MYO9A: variants seen among roughly 807,000 people sequenced by gnomAD.
MYO9A encodes the protein unconventional myosin-IXa.
A neutral mutation model predicts 293.3 loss-of-function variants in MYO9A; 103 were observed. That is an observed-to-expected ratio of 0.35 (90% CI 0.30 to 0.41). The LOEUF is 0.41. MYO9A is among the 10% of genes least tolerant of loss of function. The pLI is 1.00. For missense variants in MYO9A, 2,685 were observed against 3,033.0 expected, an observed-to-expected ratio of 0.89 and a Z score of 2.69; for synonymous variants, 1,001 against 1,035.7, an observed-to-expected ratio of 0.97 and a Z score of 0.64.
At chr15:71,919,841 CAAAAAAAAAAA>C (rs373980359) in intron 18 of MYO9A, among the ~76,000 whole-genome samples, 1 of 82,482 alleles carries the variant, frequency 1.2e-5, no homozygotes, top group African/African-American at 5.0e-5. Flanking sequence ...GACTCCATCT[CAAAAAAAAAAA>C]AAAAAAAAAA....
At chr15:71,902,817 C>A in intron 22 of MYO9A, 124 bp downstream of exon 22, 1 of 725,464 alleles carries the variant, frequency 1.4e-6, no homozygotes, top group South Asian at 2.5e-5. Flanking sequence ...AAAACCTGGG[C>A]CTAACCAATT....
At chr15:72,015,660 T>C (rs1300324979) in intron 6 of MYO9A, among the ~76,000 whole-genome samples, 1 of 151,818 alleles carries the variant, frequency 6.6e-6, no homozygotes, top group Non-Finnish European at 1.5e-5. Flanking sequence ...ACCGACCCTT[T>C]ACATTGAAGT....
chr15:72,053,191 G>A (rs1269018129), intron 1 of MYO9A, among the ~76,000 whole-genome samples: 1 of 152,140 alleles, frequency 6.6e-6, no homozygotes, highest in African/African-American at 2.4e-5. Flanking sequence ...CTTAAGGTCA[G>A]GAGATCGAGA....
chr15:71,829,601 T>C (rs1282496444), intron 40 of MYO9A, among the ~76,000 whole-genome samples: 1 of 151,888 alleles, frequency 6.6e-6, no homozygotes, highest in African/African-American at 2.4e-5. Context: ...TATGACCATC[T>C]AGTTGCTGTT....
chr15:71,836,277 A>ATATATATATATATATATATATATATAT (rs1567181551), intron 39 of MYO9A, among the ~76,000 whole-genome samples: 2 of 152,064 alleles, frequency 1.3e-5, no homozygotes, highest in African/African-American at 4.8e-5. Context: ...ATATATACAC[A>ATATATATATATATATATATATATATAT]CACATTATAC....
intron 2 of MYO9A, among the ~76,000 whole-genome samples, chr15:72,034,337 C>T (rs2077974833): frequency 3.3e-5 from 5 of 152,186 alleles, no homozygotes; most frequent in Admixed American, 3.3e-4. Flanking sequence ...CACCGCTCTA[C>T]TTATTATGCA....
At chr15:71,902,726 AT>A (rs2143667649) in intron 22 of MYO9A, among the ~76,000 whole-genome samples, 1 of 152,278 alleles carries the variant, frequency 6.6e-6, no homozygotes, top group South Asian at 2.1e-4. Context: ...TGGAGAGATG[AT>A]TTTTAGGCAG....
chr15:72,006,388 G>T (rs887793192), intron 8 of MYO9A, among the ~76,000 whole-genome samples: 1 of 152,004 alleles, frequency 6.6e-6, no homozygotes, highest in African/African-American at 2.4e-5. Context: ...GGCATGAGCC[G>T]CCAGACATAA....
intron 18 of MYO9A, among the ~76,000 whole-genome samples, chr15:71,926,156 G>A (rs2058308710): frequency 2.0e-5 from 3 of 152,182 alleles, no homozygotes; most frequent in Admixed American, 6.5e-5. Flanking sequence ...CGATGTTACT[G>A]CCTCAGTGAC....
chr15:71,965,109 A>G (rs544252286), intron 13 of MYO9A, among the ~76,000 whole-genome samples: 1 of 151,800 alleles, frequency 6.6e-6, no homozygotes, highest in Non-Finnish European at 1.5e-5. Context: ...ATAAAATATT[A>G]TAATTTTAAT....
intron 20 of MYO9A, 88 bp from the exon 21 acceptor site, chr15:71,904,127 T>C (rs765453633): frequency 9.6e-7 from 1 of 1,043,186 alleles, no homozygotes. Context: ...GTTGAGTATC[T>C]AGAGATTGAC....
chr15:72,000,033 A>C lies in MYO9A; in HGVS notation c.1381-93T>G, dbSNP rs560576816. The C allele has an allele frequency of 2.2e-5, 21 of 962,146 alleles. No homozygotes were observed. In the East Asian group the frequency reaches 5.5e-4, roughly 25 times the overall value. 59.6% of individuals were successfully genotyped at this position (962,146 alleles called of 1,614,324 possible). On this transcript the variant is annotated intron_variant, in intron 8 of 41. Coordinates refer to ENST00000356056, the MANE Select transcript of MYO9A (RefSeq NM_006901.4). Reference sequence around the variant, plus strand: ...AGCCAAATAGAGGAGGAAAAGCTTAATGAGATTAGCAATTACATAGCAGAG... The same window carrying C: ...AGCCAAATAGAGGAGGAAAAGCTTACTGAGATTAGCAATTACATAGCAGAG...
At chr15:72,042,789 TG>T (rs1033855899) in intron 2 of MYO9A, among the ~76,000 whole-genome samples, 3 of 151,934 alleles carry the variant, frequency 2.0e-5, no homozygotes, top group Non-Finnish European at 4.4e-5. Context: ...TGGGCAGGTG[TG>T]GTGACTCATG....
chr15:71,898,828 G>A lies in MYO9A; in HGVS notation c.3675C>T (p.Asp1225=). Residue 1225 remains aspartate, a synonymous_variant, in exon 25 of 42, where the codon GAC becomes GAT. Coordinates refer to ENST00000356056, the MANE Select transcript of MYO9A (RefSeq NM_006901.4). ...GCTTGTTTGGTGACTCCTTCAAGCAGTCCACTGAACTTTCACGGCTAATTC... is the reference window on the plus strand; with the variant it reads ...GCTTGTTTGGTGACTCCTTCAAGCAATCCACTGAACTTTCACGGCTAATTC... ...SNRISRESSV[D]CLKESPNKQQ... The A allele has an allele frequency of 1.2e-6, 2 of 1,614,116 alleles. No homozygotes were observed. Among genetic ancestry groups the A allele is most frequent in the Non-Finnish European group, 1.7e-6 (2 of 1,180,028 alleles).
In MYO9A at chr15:71,888,119, G is replaced by C; in HGVS notation, c.5143-3C>G. On this transcript the variant is annotated splice_region_variant and splice_polypyrimidine_tract_variant and intron_variant, in intron 26 of 41. Coordinates refer to ENST00000356056, the MANE Select transcript of MYO9A (RefSeq NM_006901.4). ...ACTGACGAAAATCGCTGTGATGTCT[G>C]TAATAATTACATATGTGAAAGATTT... 6.6e-7 allele frequency: 1 copy of C among 1,524,532 alleles called. No homozygotes were observed. The highest frequency in any genetic ancestry group is 9.1e-7 in the Non-Finnish European group (1 of 1,104,724). 94.4% of individuals were successfully genotyped at this position (1,524,532 alleles called of 1,614,324 possible).
At position 71,826,905 on chromosome 15, in the gene MYO9A, G is replaced by T. The variant is rs202014331; in HGVS notation, c.7322C>A (p.Thr2441Lys). Reference protein sequence around the residue: ...SSVSSLCLSNTASSHGTRKLF... With the variant: ...SSVSSLCLSNKASSHGTRKLF... ...TTTTCTGGTCCCATGAGATGATGCC[G>T]TGTTAGACAGACATAAAGAGGAGAC... is the stretch of plus-strand genomic sequence containing the variant. Residue 2441 changes from threonine to lysine, a missense_variant, in exon 42 of 42, where the codon ACG (threonine) becomes AAG (lysine). Thr to Lys is a moderately conservative substitution (Grantham distance 78). Coordinates refer to ENST00000356056, the MANE Select transcript of MYO9A (RefSeq NM_006901.4). The T allele has an allele frequency of 2.5e-6, 4 of 1,614,044 alleles. No individual in the cohort carries two copies. The highest frequency in any genetic ancestry group is 3.3e-5 in the Admixed American group (2 of 60,004).
intron 11 of MYO9A, among the ~76,000 whole-genome samples, chr15:71,990,314 G>A (rs958096190): frequency 2.0e-5 from 3 of 151,768 alleles, no homozygotes; most frequent in African/African-American, 4.8e-5. Context: ...CTAACTCCTG[G>A]GCTCAAGAGA....
intron 1 of MYO9A, among the ~76,000 whole-genome samples, chr15:72,067,216 C>T (rs2079048350): frequency 6.7e-6 from 1 of 150,264 alleles, no homozygotes. Context: ...ACTGTCTCAA[C>T]ATTATATTTT....
chr15:71,924,797 G>A (rs1245303733), intron 18 of MYO9A, among the ~76,000 whole-genome samples: 1 of 152,000 alleles, frequency 6.6e-6, no homozygotes, highest in Non-Finnish European at 1.5e-5. Flanking sequence ...ACACATGCCT[G>A]TAACCCCAGC....
Sources: allele counts gnomAD v4.1 joint callset (sites outside exome capture counted in the v4.1 genomes callset), GRCh38; gene constraint gnomAD v4.1.1; transcripts MANE v1.5; gene names NCBI Gene and HGNC (gene_info 2026-07-23, HGNC 2026-07-21).